CSF2RA: variants seen among roughly 807,000 people sequenced by gnomAD.
The protein encoded by CSF2RA is granulocyte-macrophage colony-stimulating factor receptor subunit alpha.
Under a neutral mutation model 51.6 loss-of-function variants are expected in CSF2RA, and 42 were observed. The ratio of observed to expected loss-of-function variants is 0.81; its 90% CI spans 0.64 to 1.05. The LOEUF is 1.05. CSF2RA is among the 50% of genes least tolerant of loss of function. The pLI, the probability that CSF2RA is intolerant of heterozygous loss-of-function variation, is 0.00. For missense variants in CSF2RA, 530 were observed against 501.1 expected (o/e 1.06, Z -0.55); for synonymous variants, 222 against 193.0 (o/e 1.15, Z -1.24).
At chrX:1,314,260 C>CCACACAGCATCTA (rs1569514697), downstream of CSF2RA, among the ~76,000 whole-genome samples, 2 of 51,002 alleles carry the variant, frequency 3.9e-5, 1 homozygote, top group African/African-American at 1.5e-4. Context: ...ACCTGCCCAA[C>CCACACAGCATCTA]CCCACTGCGC....
intron 4 of CSF2RA, among the ~76,000 whole-genome samples, chrX:1,286,438 A>G (rs112334702): frequency 0.28 from 41,523 of 150,874 alleles, 6,088 homozygotes; most frequent in Middle Eastern, 0.34. Flanking sequence ...GCATGGTGGC[A>G]GGCATCTGTA....
intron 2 of CSF2RA, chrX:1,281,825 T>C (rs1422184083): frequency 2.0e-5 from 3 of 149,204 alleles, no homozygotes; most frequent in African/African-American, 7.4e-5. Flanking sequence ...CTCACCCTTT[T>C]TTTCTTCCTC....
chrX:1,322,441 T>C, the CSF2RA span, among the ~76,000 whole-genome samples: 1 of 80,320 alleles, frequency 1.2e-5, no homozygotes, highest in Non-Finnish European at 2.9e-5. Flanking sequence ...GTGTGTTTGT[T>C]TTTTTTTTTT....
chrX:1,287,690 C>T (rs1160446161), intron 4 of CSF2RA, among the ~76,000 whole-genome samples: 7 of 139,926 alleles, frequency 5.0e-5, no homozygotes, highest in Non-Finnish European at 9.3e-5. Context: ...GTGATCCACC[C>T]GCCTCGGCCT....
chrX:1,268,938 T>C (rs1230384337), intron 1 of CSF2RA, 59 bp downstream of exon 1: 2 of 453,172 alleles, frequency 4.4e-6, no homozygotes, highest in Admixed American at 2.4e-5. Flanking sequence ...CGGGTACATG[T>C]TTCTGCTGTG....
chrX:1,285,658 C>T, intron 3 of CSF2RA, 120 bp from the exon 4 acceptor site: 2 of 1,200,802 alleles, frequency 1.7e-6, no homozygotes, highest in South Asian at 1.4e-5. Flanking sequence ...CCTGAGATCA[C>T]AGCACTGCAC....
chrX:1,279,676 G>A (rs1424762777), intron 2 of CSF2RA, among the ~76,000 whole-genome samples: 5 of 152,064 alleles, frequency 3.3e-5, no homozygotes, highest in Admixed American at 6.6e-5. Context: ...GAGTTGGGGG[G>A]CAGGGGCAGG....
At chrX:1,294,283 C>A in intron 7 of CSF2RA, 45 bp from the exon 8 acceptor site, 1 of 1,611,794 alleles carries the variant, frequency 6.2e-7, no homozygotes, top group Non-Finnish European at 8.5e-7. Flanking sequence ...CCAGTGTAGA[C>A]AGGACCTCTC....
intron 9 of CSF2RA, among the ~76,000 whole-genome samples, chrX:1,297,900 A>G (rs1225704092): frequency 8.2e-5 from 7 of 85,094 alleles, no homozygotes; most frequent in African/African-American, 3.4e-4. Flanking sequence ...CCTACTCACG[A>G]CCCCTACAGT....
chrX:1,296,364 C>T (rs1408352950), intron 9 of CSF2RA, among the ~76,000 whole-genome samples: 1 of 103,204 alleles, frequency 9.7e-6, no homozygotes, highest in African/African-American at 4.1e-5. Context: ...CTACAGTCCC[C>T]TACTCACGAC....
At chrX:1,322,439 GTTTTTTT>G in the CSF2RA span, among the ~76,000 whole-genome samples, 32,051 of 120,798 alleles carry the variant, frequency 0.27, 3,934 homozygotes, top group Admixed American at 0.33. Context: ...GTGTGTGTTT[GTTTTTTT>G]TTTTTTTTTT....
chrX:1,271,864 G>C (rs183618672), intron 1 of CSF2RA, among the ~76,000 whole-genome samples: 1 of 152,046 alleles, frequency 6.6e-6, no homozygotes, highest in Non-Finnish European at 1.5e-5. Flanking sequence ...AGCTCTTCTC[G>C]AGGGCTGAAA....
intron 2 of CSF2RA, among the ~76,000 whole-genome samples, chrX:1,279,153 C>G (rs1191868386): frequency 3.3e-5 from 5 of 150,428 alleles, no homozygotes; most frequent in Admixed American, 2.0e-4. Context: ...GAGTTTGAGA[C>G]CAGCCTGGCC....
the CSF2RA span, among the ~76,000 whole-genome samples, chrX:1,316,269 GATAGATAGATAGA>G: frequency 7.3e-6 from 1 of 136,152 alleles, no homozygotes; most frequent in South Asian, 2.2e-4. Context: ...ATGATAGATA[GATAGATAGATAGA>G]TAGATAGATA....
chrX:1,313,950 G>A (rs779195439), downstream of CSF2RA, among the ~76,000 whole-genome samples: 283 of 152,036 alleles, frequency 1.9e-3, 1 homozygote, highest in Middle Eastern at 3.4e-3. Context: ...CAGATCATGC[G>A]ATTGCACTCC....
intron 3 of CSF2RA, among the ~76,000 whole-genome samples, chrX:1,283,159 C>CTTCG (rs1249534493): frequency 1.7e-3 from 60 of 34,302 alleles, no homozygotes; most frequent in Non-Finnish European, 2.9e-3. Flanking sequence ...TCCTTCGTTC[C>CTTCG]TTCCTTCGTT....
At chrX:1,313,376 G>T (rs1238812566), downstream of CSF2RA, among the ~76,000 whole-genome samples, 26 of 152,242 alleles carry the variant, frequency 1.7e-4, no homozygotes, top group African/African-American at 6.3e-4. Context: ...AGAGGTTGCA[G>T]TGAGCCAAGA....
intron 1 of CSF2RA, among the ~76,000 whole-genome samples, chrX:1,274,495 T>A (rs1346227817): frequency 6.6e-6 from 1 of 151,068 alleles, no homozygotes; most frequent in Non-Finnish European, 1.5e-5. Flanking sequence ...CAGCTAATTT[T>A]TGTATTTTTA....
chrX:1,289,578 GTTTTGTGT>G (rs2091138704), intron 6 of CSF2RA, among the ~76,000 whole-genome samples: 1 of 150,852 alleles, frequency 6.6e-6, no homozygotes, highest in Non-Finnish European at 1.5e-5. Flanking sequence ...TTTTTGTGGT[GTTTTGTGT>G]TTTTGTGTTT....
Sources: gnomAD v4.1 joint callset for allele counts (sites outside exome capture counted in the v4.1 genomes callset) on GRCh38, gnomAD v4.1.1 for gene constraint, MANE v1.5 for transcripts, NCBI Gene and HGNC (gene_info 2026-07-23, HGNC 2026-07-21) for gene names.